TAFA1: variants seen among roughly 807,000 people sequenced by gnomAD.
The protein encoded by TAFA1 is chemokine-like protein TAFA-1.
A neutral mutation model predicts 18.5 loss-of-function variants in TAFA1; 4 were observed. The observed-to-expected ratio is 0.22, with a 90% CI of 0.11 to 0.49. The LOEUF is 0.49. Among genes scored for constraint, TAFA1 ranks in the 20% least tolerant of loss-of-function variants. TAFA1 has a pLI of 0.98. For missense variants in TAFA1, 147 were observed against 169.0 expected (o/e 0.87, Z 0.72); for synonymous variants, 56 against 55.2 (o/e 1.01, Z -0.06).
intron 3 of TAFA1, among the ~76,000 whole-genome samples, chr3:68,511,695 C>A (rs913039130): frequency 4.6e-5 from 7 of 151,844 alleles, no homozygotes; most frequent in African/African-American, 7.3e-5. Flanking sequence ...GAATGTTTTC[C>A]TGGTAGTCTT....
intron 2 of TAFA1, among the ~76,000 whole-genome samples, chr3:68,112,286 G>A (rs1051647722): frequency 2.6e-5 from 4 of 152,032 alleles, no homozygotes; most frequent in South Asian, 2.1e-4. Flanking sequence ...TTAGCGAATC[G>A]AATTCAGCTA....
rs145408124 is a variant in TAFA1, at chr3:68,446,371, T to C, written c.259+28951T>C. Reference sequence around the variant, plus strand: ...CTGTTCCTTTACAGAAAAAGTTTGCTGATCCCTAGATAAAGAATAGGGAGG... The same window carrying C: ...CTGTTCCTTTACAGAAAAAGTTTGCCGATCCCTAGATAAAGAATAGGGAGG... On this transcript the variant is annotated intron_variant, in intron 3 of 4. Coordinates refer to ENST00000478136, the MANE Select transcript of TAFA1 (RefSeq NM_213609.4). Among the ~76,000 whole-genome samples the C allele has an allele frequency of 6.6e-5, 10 of 152,286 alleles. No individual in the cohort carries two copies. The East Asian group carries it at 1.9e-3, about 29-fold the overall frequency.
chr3:68,134,312 A>G (rs73834839), intron 2 of TAFA1, among the ~76,000 whole-genome samples: 6,055 of 152,200 alleles, frequency 0.04, 169 homozygotes, highest in East Asian at 0.1. Context: ...CGCTCAAGTC[A>G]CATTCAAATT....
intron 2 of TAFA1, among the ~76,000 whole-genome samples, chr3:68,364,127 T>C (rs1307014570): frequency 6.6e-6 from 1 of 152,168 alleles, no homozygotes; most frequent in Non-Finnish European, 1.5e-5. Flanking sequence ...GAAAGTGAAA[T>C]CAGAATTAAG....
intron 2 of TAFA1, among the ~76,000 whole-genome samples, chr3:68,373,751 C>T (rs1176388147): frequency 1.3e-5 from 2 of 152,268 alleles, no homozygotes; most frequent in Middle Eastern, 3.4e-3. Context: ...AGACCAGATA[C>T]GCCAATCTTA....
At position 68,460,207 on chromosome 3, in the gene TAFA1, G is replaced by A. The variant is rs1392570857; in HGVS notation, c.259+42787G>A. On this transcript the variant is annotated intron_variant, in intron 3 of 4. Transcript: ENST00000478136. ...ATTAGTGAAGTTAAAAAAGGGATGG[G>A]ACAAAATATACCCATCCCTTCAAAT... Among the ~76,000 whole-genome samples, 5 of 152,160 alleles carry A rather than the reference G, an allele frequency of 3.3e-5. No homozygotes were observed. The South Asian group carries it at 1.0e-3, about 32-fold the overall frequency.
At chr3:68,459,597 T>C (rs1415671512) in intron 3 of TAFA1, among the ~76,000 whole-genome samples, 2 of 152,234 alleles carry the variant, frequency 1.3e-5, no homozygotes, top group East Asian at 3.8e-4. Context: ...ACAAAATAAA[T>C]GAAACTAATA....
chr3:68,243,072 T>C (rs147210315), intron 2 of TAFA1, among the ~76,000 whole-genome samples: 1 of 151,744 alleles, frequency 6.6e-6, no homozygotes, highest in East Asian at 1.9e-4. Flanking sequence ...TTATCTTTCT[T>C]TAATGATTTT....
intron 2 of TAFA1, among the ~76,000 whole-genome samples, chr3:68,191,001 T>A (rs976691416): frequency 6.6e-6 from 1 of 151,926 alleles, no homozygotes; most frequent in African/African-American, 2.4e-5. Context: ...TTTAAAAACC[T>A]TAAGACTCAT....
intron 3 of TAFA1, among the ~76,000 whole-genome samples, chr3:68,443,338 A>G (rs1252327274): frequency 1.3e-5 from 2 of 151,972 alleles, no homozygotes. Context: ...CCAAAAAGAG[A>G]CAGCCCTAAG....
chr3:68,064,270 T>A (rs1483480066), intron 2 of TAFA1, among the ~76,000 whole-genome samples: 2 of 151,912 alleles, frequency 1.3e-5, no homozygotes, highest in East Asian at 1.9e-4. Flanking sequence ...TGATGAGGAG[T>A]CAGGAGGACT....
chr3:68,177,837 G>C (rs567391221), intron 2 of TAFA1, among the ~76,000 whole-genome samples: 2 of 152,140 alleles, frequency 1.3e-5, no homozygotes, highest in South Asian at 4.2e-4. Flanking sequence ...TCAGAGGATG[G>C]TCACCAAATT....
chr3:68,247,519 T>C (rs924471144), intron 2 of TAFA1: 1 of 152,072 alleles, frequency 6.6e-6, no homozygotes, highest in Non-Finnish European at 1.5e-5. Context: ...GGCCTGGAGG[T>C]GACAGGCTGT....
intron 2 of TAFA1, among the ~76,000 whole-genome samples, chr3:68,077,698 T>C (rs1301733701): frequency 4.6e-5 from 7 of 152,012 alleles, no homozygotes; most frequent in African/African-American, 1.5e-4. Flanking sequence ...ACCATGCTGT[T>C]TTGGTTACTG....
chr3:68,018,429 C>A (rs975917309), intron 2 of TAFA1, among the ~76,000 whole-genome samples: 4 of 152,222 alleles, frequency 2.6e-5, no homozygotes, highest in African/African-American at 9.6e-5. Flanking sequence ...ATAACTCTAA[C>A]TCAAACCTAA....
intron 3 of TAFA1, among the ~76,000 whole-genome samples, chr3:68,467,561 C>T (rs1188904156): frequency 1.3e-5 from 2 of 152,076 alleles, no homozygotes; most frequent in South Asian, 2.1e-4. Flanking sequence ...GTCTTGGACT[C>T]GACTTCAAAT....
chr3:68,403,097 A>T (rs2070530319), intron 2 of TAFA1, among the ~76,000 whole-genome samples: 1 of 152,214 alleles, frequency 6.6e-6, no homozygotes, highest in African/African-American at 2.4e-5. Flanking sequence ...TGCCTACAGT[A>T]TGCAGTACAA....
At chr3:68,155,785 C>A (rs1337285743) in intron 2 of TAFA1, among the ~76,000 whole-genome samples, 7 of 152,096 alleles carry the variant, frequency 4.6e-5, no homozygotes, top group African/African-American at 1.2e-4. Flanking sequence ...ATAATAATTT[C>A]TCTTCATTTC....
chr3:68,098,174 C>T (rs897577831), intron 2 of TAFA1, among the ~76,000 whole-genome samples: 1 of 151,952 alleles, frequency 6.6e-6, no homozygotes, highest in Non-Finnish European at 1.5e-5. Context: ...TTAACAGAAT[C>T]GTGATGGAAG....
Sources: gnomAD v4.1 joint callset for allele counts (sites outside exome capture counted in the v4.1 genomes callset) on GRCh38, gnomAD v4.1.1 for gene constraint, MANE v1.5 for transcripts, NCBI Gene and HGNC (gene_info 2026-07-23, HGNC 2026-07-21) for gene names.